CSMD1: variants seen among roughly 807,000 people sequenced by gnomAD.
The protein encoded by CSMD1 is CUB and sushi domain-containing protein 1.
A neutral mutation model predicts 417.5 loss-of-function variants in CSMD1; 213 were observed. That is an observed-to-expected ratio of 0.51 (90% CI 0.46 to 0.57). CSMD1 has a LOEUF of 0.57. Among genes scored for constraint, CSMD1 ranks in the 20% least tolerant of loss-of-function variants. The pLI, the probability that CSMD1 is intolerant of heterozygous loss-of-function variation, is 0.00. For synonymous variants in CSMD1, 2,862 were observed against 1,736.8 expected (o/e 1.65, Z -16.11); for missense variants, 6,923 against 4,529.7 (o/e 1.53, Z -15.17).
At chr8:3,637,535 C>T (rs932990512) in intron 7 of CSMD1, among the ~76,000 whole-genome samples, 1 of 152,070 alleles carries the variant, frequency 6.6e-6, no homozygotes, top group Admixed American at 6.6e-5. Context: ...AAGAAGTATA[C>T]AAGAAATAGT....
chr8:4,164,298 A>G (rs4537318), intron 3 of CSMD1, among the ~76,000 whole-genome samples: 2 of 151,848 alleles, frequency 1.3e-5, no homozygotes, highest in African/African-American at 4.8e-5. Flanking sequence ...ACAAATGATA[A>G]ATATAGAATC....
At chr8:4,708,094 C>G (rs916491844) in intron 1 of CSMD1, among the ~76,000 whole-genome samples, 1 of 151,284 alleles carries the variant, frequency 6.6e-6, no homozygotes, top group African/African-American at 2.4e-5. Flanking sequence ...CAGGCATCTG[C>G]CAATACACTG....
chr8:3,550,117 C>A (rs963903298), intron 10 of CSMD1, among the ~76,000 whole-genome samples: 1 of 152,148 alleles, frequency 6.6e-6, no homozygotes, highest in African/African-American at 2.4e-5. Flanking sequence ...AAAAAAGTGT[C>A]CCATTGGGAT....
chr8:4,882,076 G>A (rs1208911358), intron 1 of CSMD1, among the ~76,000 whole-genome samples: 3 of 151,952 alleles, frequency 2.0e-5, no homozygotes, highest in Non-Finnish European at 4.4e-5. Flanking sequence ...TAGAAAGTAC[G>A]AATAATAAGC....
At chr8:3,724,343 G>A (rs921638043) in intron 6 of CSMD1, among the ~76,000 whole-genome samples, 2 of 151,536 alleles carry the variant, frequency 1.3e-5, no homozygotes, top group East Asian at 3.9e-4. Flanking sequence ...TGCTATCCCG[G>A]GTTTTTGTTT....
intron 8 of CSMD1, among the ~76,000 whole-genome samples, chr8:3,593,190 C>A (rs1423765886): frequency 1.3e-5 from 2 of 152,258 alleles, no homozygotes; most frequent in East Asian, 3.9e-4. Flanking sequence ...GTCATGTTTC[C>A]CCACCATACT....
chr8:3,914,762 A>AT (rs758238537), intron 5 of CSMD1, among the ~76,000 whole-genome samples: 3 of 151,418 alleles, frequency 2.0e-5, no homozygotes, highest in East Asian at 3.9e-4. Context: ...GTCTTTGCTC[A>AT]TTCTTCATTT....
Position 2,971,780 on chromosome 8 carries a change from A to T in CSMD1, c.8923+1337T>A, listed in dbSNP as rs111927277. Among the ~76,000 whole-genome samples, 326 of 152,340 alleles carry T rather than the reference A, an allele frequency of 2.1e-3. 1 individual carries two copies. Among genetic ancestry groups the T allele is most frequent in the African/African-American group, 7.5e-3 (313 of 41,582 alleles). ...ATTTATAGTGTCATACTTCAGTTAA[A>T]AACAAAAGTATGATCCTGCAATTCG... On this transcript the variant is annotated intron_variant, in intron 57 of 69. Coordinates refer to ENST00000635120, the MANE Select transcript of CSMD1 (RefSeq NM_033225.6).
chr8:4,443,017 C>T (rs1197979459), intron 2 of CSMD1, among the ~76,000 whole-genome samples: 2 of 152,162 alleles, frequency 1.3e-5, no homozygotes, highest in East Asian at 1.9e-4. Flanking sequence ...AAAACACTGT[C>T]TACTTTAAAG....
At chr8:3,996,684 G>A (rs1446810607) in intron 5 of CSMD1, among the ~76,000 whole-genome samples, 4 of 152,136 alleles carry the variant, frequency 2.6e-5, no homozygotes, top group South Asian at 2.1e-4. Flanking sequence ...ATCTAAAAGT[G>A]TTGTTCAGCA....
chr8:3,692,835 G>C (rs1585085104), intron 7 of CSMD1, among the ~76,000 whole-genome samples: 2 of 152,094 alleles, frequency 1.3e-5, no homozygotes, highest in East Asian at 1.9e-4. Context: ...AATATTATTA[G>C]GCATTAGTAA....
chr8:4,090,164 G>T (rs1299655223), intron 3 of CSMD1, among the ~76,000 whole-genome samples: 1 of 152,116 alleles, frequency 6.6e-6, no homozygotes, highest in East Asian at 1.9e-4. Flanking sequence ...GCTTGATACT[G>T]TTTTGAGTGT....
chr8:3,605,706 C>T (rs75736496), intron 8 of CSMD1, among the ~76,000 whole-genome samples: 3 of 152,112 alleles, frequency 2.0e-5, no homozygotes, highest in African/African-American at 4.8e-5. Flanking sequence ...AGACAAAGAA[C>T]AGATGTTATT....
intron 3 of CSMD1, among the ~76,000 whole-genome samples, chr8:4,223,203 G>A (rs868700048): frequency 1.3e-5 from 2 of 151,454 alleles, no homozygotes; most frequent in Non-Finnish European, 2.9e-5. Context: ...TCTGCACCCC[G>A]AGAAAAGCCA....
At chr8:3,948,505 G>A (rs530663213) in intron 5 of CSMD1, among the ~76,000 whole-genome samples, 2 of 152,008 alleles carry the variant, frequency 1.3e-5, no homozygotes, top group African/African-American at 4.8e-5. Flanking sequence ...TGAATAGTTT[G>A]TCTTCTTATA....
chr8:4,022,544 G>C (rs1383832236), intron 4 of CSMD1, among the ~76,000 whole-genome samples: 6 of 152,242 alleles, frequency 3.9e-5, no homozygotes, highest in Non-Finnish European at 1.5e-5. Context: ...GGCACAAGAA[G>C]GTGTCATGAA....
intron 5 of CSMD1, among the ~76,000 whole-genome samples, chr8:3,927,522 A>C (rs1291860738): frequency 6.7e-6 from 1 of 150,234 alleles, no homozygotes; most frequent in East Asian, 1.9e-4. Flanking sequence ...AAAATTAGCC[A>C]GCCGTGGTGG....
intron 49 of CSMD1, among the ~76,000 whole-genome samples, chr8:3,079,370 T>C (rs1024162787): frequency 2.0e-5 from 3 of 152,228 alleles, no homozygotes; most frequent in African/African-American, 7.2e-5. Context: ...AGCATGTGAT[T>C]TGACATTTAA....
At chr8:3,535,099 A>G (rs148854180) in intron 10 of CSMD1, among the ~76,000 whole-genome samples, 45 of 151,248 alleles carry the variant, frequency 3.0e-4, no homozygotes, top group Middle Eastern at 3.4e-3. Context: ...AGGGTGTACC[A>G]ACATAGTCAG....
Sources: allele counts gnomAD v4.1 joint callset (sites outside exome capture counted in the v4.1 genomes callset), GRCh38; gene constraint gnomAD v4.1.1; transcripts MANE v1.5; gene names NCBI Gene and HGNC (gene_info 2026-07-23, HGNC 2026-07-21).